CNTNAP2: variants seen among roughly 807,000 people sequenced by gnomAD.
CNTNAP2 encodes contactin associated protein 2.
Under a neutral mutation model 155.2 loss-of-function variants are expected in CNTNAP2, and 98 were observed. The ratio of observed to expected loss-of-function variants is 0.63; its 90% CI spans 0.54 to 0.75. CNTNAP2 has a LOEUF of 0.75. Ranked by LOEUF, CNTNAP2 falls within the 30% of genes least tolerant of loss-of-function variation. The probability of loss-of-function intolerance (pLI) is 0.00; values close to 1 mark genes in which losing one functional copy is unlikely to be tolerated. For missense variants in CNTNAP2, 1,727 were observed against 1,688.1 expected (o/e 1.02, Z -0.40); for synonymous variants, 651 against 631.2 (o/e 1.03, Z -0.47).
chr7:147,437,890 T>C (rs1797578334), intron 10 of CNTNAP2, among the ~76,000 whole-genome samples: 1 of 152,110 alleles, frequency 6.6e-6, no homozygotes. Flanking sequence ...CTTTTCATTA[T>C]AGAGATCTTT....
chr7:147,043,587 A>G (rs1203487826), intron 3 of CNTNAP2, among the ~76,000 whole-genome samples: 1 of 152,244 alleles, frequency 6.6e-6, no homozygotes, highest in Non-Finnish European at 1.5e-5. Flanking sequence ...AAAATCATTT[A>G]TTGTATAAAT....
chr7:146,328,514 CCT>C (rs1491114374), intron 1 of CNTNAP2, among the ~76,000 whole-genome samples: 8 of 129,616 alleles, frequency 6.2e-5, no homozygotes, highest in African/African-American at 2.4e-4. Flanking sequence ...CACTTAGCGA[CCT>C]GTGTGTGTGT....
At chr7:146,200,240 A>G (rs548399510) in intron 1 of CNTNAP2, among the ~76,000 whole-genome samples, 4 of 152,164 alleles carry the variant, frequency 2.6e-5, no homozygotes, top group Non-Finnish European at 5.9e-5. Context: ...TCACGCCTGT[A>G]ATTCCAGCAC....
At chr7:147,396,546 A>G (rs1325502098) in intron 10 of CNTNAP2, among the ~76,000 whole-genome samples, 1 of 152,006 alleles carries the variant, frequency 6.6e-6, no homozygotes, top group African/African-American at 2.4e-5. Flanking sequence ...AAACCTGGGG[A>G]GAAATTTTTA....
In CNTNAP2 at chr7:147,199,944, C is replaced by A. The variant is rs112103070; in HGVS notation, c.1348+67435C>A. 3.4e-3 allele frequency among the ~76,000 whole-genome samples: 516 copies of A among 152,106 alleles called. 5 individuals are homozygous for A. Among genetic ancestry groups the A allele is most frequent in the African/African-American group, 0.011 (468 of 41,494 alleles). ...ATTCAAGTGAGAATTAATATAAACA[C>A]ATGCTAATAGGGCTGCTTTATGCTT... On this transcript the variant is annotated intron_variant, in intron 8 of 23. Coordinates refer to ENST00000361727, the MANE Select transcript of CNTNAP2 (RefSeq NM_014141.6).
intron 8 of CNTNAP2, among the ~76,000 whole-genome samples, chr7:147,276,125 G>T (rs1347813783): frequency 3.3e-5 from 5 of 151,816 alleles, no homozygotes; most frequent in Non-Finnish European, 4.4e-5. Flanking sequence ...CAGGGATGTT[G>T]ACTTGTATTT....
chr7:147,236,398 C>A (rs1456857836), intron 8 of CNTNAP2, among the ~76,000 whole-genome samples: 1 of 151,480 alleles, frequency 6.6e-6, no homozygotes, highest in Non-Finnish European at 1.5e-5. Context: ...TTCATTTCAA[C>A]AATTACATTT....
chr7:147,683,398 A>G (rs893893438), intron 13 of CNTNAP2, among the ~76,000 whole-genome samples: 1 of 151,874 alleles, frequency 6.6e-6, no homozygotes, highest in Admixed American at 6.6e-5. Flanking sequence ...TTCAACAAAG[A>G]AATACCTGAT....
Position 147,324,937 on chromosome 7 carries a change from A to C in CNTNAP2, c.1498+24647A>C, listed in dbSNP as rs76063285. ...TTGTTAAAATTCACTGCATGCCTGTAGGTAATGGCAGAAGTGTGGAAAGGC... is the reference window on the plus strand; with the variant it reads ...TTGTTAAAATTCACTGCATGCCTGTCGGTAATGGCAGAAGTGTGGAAAGGC... On this transcript the variant is annotated intron_variant, in intron 9 of 23. Transcript: ENST00000361727. Among the ~76,000 whole-genome samples the C allele has an allele frequency of 1.4e-3, 211 of 152,304 alleles. 4 individuals carry two copies. The East Asian group carries it at 0.033, about 24-fold the overall frequency.
chr7:147,649,816 T>G (rs1795423004), intron 13 of CNTNAP2, among the ~76,000 whole-genome samples: 1 of 151,928 alleles, frequency 6.6e-6, no homozygotes, highest in South Asian at 2.1e-4. Flanking sequence ...TACTCTGCCA[T>G]TCTGAATAAA....
chr7:146,573,223 GC>G (rs1798470457), intron 1 of CNTNAP2, among the ~76,000 whole-genome samples: 2 of 151,924 alleles, frequency 1.3e-5, no homozygotes, highest in Admixed American at 1.3e-4. Flanking sequence ...GCTCACTGCA[GC>G]CTCTGCCTCC....
chr7:148,309,611 G>A (rs1231729094), intron 21 of CNTNAP2, among the ~76,000 whole-genome samples: 1 of 152,052 alleles, frequency 6.6e-6, no homozygotes, highest in Non-Finnish European at 1.5e-5. Context: ...TGGCAGGAGT[G>A]GGGGTCACAG....
chr7:148,213,186 G>C (rs1405393365), intron 18 of CNTNAP2, among the ~76,000 whole-genome samples: 2 of 152,022 alleles, frequency 1.3e-5, no homozygotes, highest in Non-Finnish European at 2.9e-5. Flanking sequence ...GTATCACCTG[G>C]GGACCTGCGA....
At chr7:146,297,344 T>G (rs887551943) in intron 1 of CNTNAP2, among the ~76,000 whole-genome samples, 12 of 152,138 alleles carry the variant, frequency 7.9e-5, no homozygotes, top group African/African-American at 2.9e-4. Flanking sequence ...GAACTAATAA[T>G]CTTCAGTGTT....
At chr7:146,536,417 CA>C (rs1347038498) in intron 1 of CNTNAP2, among the ~76,000 whole-genome samples, 1 of 151,744 alleles carries the variant, frequency 6.6e-6, no homozygotes, top group Admixed American at 6.6e-5. Flanking sequence ...TATTTTAGTC[CA>C]AAGGAAGAAA....
intron 1 of CNTNAP2, among the ~76,000 whole-genome samples, chr7:146,618,674 T>A (rs1165766174): frequency 6.6e-6 from 1 of 152,228 alleles, no homozygotes; most frequent in African/African-American, 2.4e-5. Context: ...TGAGTATATA[T>A]ATTTGACTTT....
intron 10 of CNTNAP2, among the ~76,000 whole-genome samples, chr7:147,480,678 C>T (rs573544382): frequency 9.2e-5 from 14 of 152,282 alleles, no homozygotes; most frequent in African/African-American, 1.7e-4. Context: ...CTGAACAGAT[C>T]GTGTTAGCCC....
At chr7:147,395,925 A>G in intron 10 of CNTNAP2, 145 bp downstream of exon 10, 2 of 781,916 alleles carry the variant, frequency 2.6e-6, no homozygotes, top group South Asian at 3.3e-5. Context: ...GTATTGTAGT[A>G]TACTTGTGAT....
chr7:147,949,742 T>C (rs1429844774), intron 14 of CNTNAP2, among the ~76,000 whole-genome samples: 4 of 152,058 alleles, frequency 2.6e-5, no homozygotes, highest in Admixed American at 1.3e-4. Context: ...TGGGGTCTCC[T>C]TGAAGGTTGA....
Sources: gnomAD v4.1 joint callset for allele counts (sites outside exome capture counted in the v4.1 genomes callset) on GRCh38, gnomAD v4.1.1 for gene constraint, MANE v1.5 for transcripts, NCBI Gene and HGNC (gene_info 2026-07-23, HGNC 2026-07-21) for gene names.